RALYL: variants seen among roughly 807,000 people sequenced by gnomAD.
RALYL encodes the protein RALY RNA binding protein like, also known as RNA-binding Raly-like protein.
In RALYL, 29 loss-of-function variants were observed where a neutral mutation model predicts 35.1. The observed-to-expected ratio is 0.83, with a 90% CI of 0.61 to 1.13. RALYL has a LOEUF of 1.13. Ranked by LOEUF, RALYL falls within the 50% of genes most tolerant of loss-of-function variation. The pLI, the probability that RALYL is intolerant of heterozygous loss-of-function variation, is 0.00. For missense variants in RALYL, 359 were observed against 360.4 expected (o/e 1.00, Z 0.03); for synonymous variants, 120 against 127.6 (o/e 0.94, Z 0.40).
At chr8:84,731,916 G>A (rs1846251366) in intron 2 of RALYL, among the ~76,000 whole-genome samples, 1 of 152,086 alleles carries the variant, frequency 6.6e-6, no homozygotes, top group African/African-American at 2.4e-5. Context: ...GCTTGGATAA[G>A]CTGGGACTTT....
At chr8:84,680,929 C>A (rs1265264057) in intron 2 of RALYL, among the ~76,000 whole-genome samples, 1 of 151,916 alleles carries the variant, frequency 6.6e-6, no homozygotes, top group Non-Finnish European at 1.5e-5. Context: ...CTTGCCCATT[C>A]CTATGTCCTG....
At chr8:84,743,356 G>A (rs1476097210) in intron 2 of RALYL, among the ~76,000 whole-genome samples, 1 of 151,804 alleles carries the variant, frequency 6.6e-6, no homozygotes, top group Non-Finnish European at 1.5e-5. Context: ...TGGGATCACA[G>A]TGATTATCAG....
At chr8:84,455,828 T>G (rs1350228865) in intron 1 of RALYL, among the ~76,000 whole-genome samples, 2 of 152,008 alleles carry the variant, frequency 1.3e-5, no homozygotes, top group African/African-American at 4.8e-5. Flanking sequence ...TCTTGGGAAT[T>G]TATTTTTCCT....
At chr8:84,326,809 A>G (rs2130586344) in intron 1 of RALYL, among the ~76,000 whole-genome samples, 1 of 152,298 alleles carries the variant, frequency 6.6e-6, no homozygotes, top group Admixed American at 6.5e-5. Context: ...TAAGGGTAAT[A>G]CTCAGAATTT....
chr8:84,643,149 G>T (rs1372655800), intron 2 of RALYL, among the ~76,000 whole-genome samples: 1 of 151,882 alleles, frequency 6.6e-6, no homozygotes, highest in Non-Finnish European at 1.5e-5. Context: ...GTAAAGGGCT[G>T]GGTAGATTCC....
At chr8:84,803,099 A>G (rs1290248331) in intron 3 of RALYL, among the ~76,000 whole-genome samples, 1 of 152,208 alleles carries the variant, frequency 6.6e-6, no homozygotes, top group Non-Finnish European at 1.5e-5. Context: ...GGAACATAGG[A>G]AGCTGGAGAG....
rs75296003 is a variant in RALYL, at chr8:84,850,891, G to T, written c.413+864G>T. On this transcript the variant is annotated intron_variant, in intron 5 of 8. Transcript: ENST00000521268. ...GCCAGGGTCACTTCCCCTCCATAGCGTTATACGTTTCATCACATCACATCC... is the reference window on the plus strand; with the variant it reads ...GCCAGGGTCACTTCCCCTCCATAGCTTTATACGTTTCATCACATCACATCC... 3.0e-3 allele frequency among the ~76,000 whole-genome samples: 456 copies of T among 152,226 alleles called. 1 individual carries two copies. The highest frequency in any genetic ancestry group is 0.011 in the African/African-American group (444 of 41,540).
At chr8:84,583,860 A>G (rs1472397808) in intron 2 of RALYL, among the ~76,000 whole-genome samples, 2 of 152,320 alleles carry the variant, frequency 1.3e-5, no homozygotes, top group Admixed American at 6.5e-5. Flanking sequence ...GCTTAGGAAT[A>G]GTGAAATTAT....
chr8:84,881,842 G>T (rs1842214499), intron 7 of RALYL, among the ~76,000 whole-genome samples: 1 of 151,864 alleles, frequency 6.6e-6, no homozygotes, highest in African/African-American at 2.4e-5. Context: ...GAAGAGATTT[G>T]AAGTATTCCC....
intron 2 of RALYL, among the ~76,000 whole-genome samples, chr8:84,698,057 C>T (rs567198534): frequency 1.3e-4 from 20 of 152,182 alleles, no homozygotes; most frequent in Admixed American, 7.9e-4. Context: ...ATTAGTTTTA[C>T]AACACATGAG....
intron 2 of RALYL, among the ~76,000 whole-genome samples, chr8:84,532,148 T>A (rs2059317520): frequency 6.6e-6 from 1 of 152,068 alleles, no homozygotes; most frequent in African/African-American, 2.4e-5. Context: ...AATGACTTCA[T>A]ACAAAGCAAG....
intron 2 of RALYL, among the ~76,000 whole-genome samples, chr8:84,634,876 A>G (rs1824704044): frequency 6.6e-6 from 1 of 151,720 alleles, no homozygotes. Context: ...ATAAACTGCT[A>G]TGTTCCTTTA....
At chr8:84,201,900 C>A (rs1249553844) in intron 1 of RALYL, among the ~76,000 whole-genome samples, 1 of 152,000 alleles carries the variant, frequency 6.6e-6, no homozygotes, top group Non-Finnish European at 1.5e-5. Context: ...CTCTTTGTCC[C>A]TAAAAGATAA....
At chr8:84,401,462 C>T (rs1349377989) in intron 1 of RALYL, among the ~76,000 whole-genome samples, 1 of 151,520 alleles carries the variant, frequency 6.6e-6, no homozygotes, top group Non-Finnish European at 1.5e-5. Flanking sequence ...CACGGTGAAA[C>T]CCCGTCTCTA....
chr8:84,637,457 C>G (rs1297567980), intron 2 of RALYL, among the ~76,000 whole-genome samples: 1 of 151,962 alleles, frequency 6.6e-6, no homozygotes, highest in Admixed American at 6.6e-5. Flanking sequence ...TAACCAAACA[C>G]AAGTCCAACC....
intron 3 of RALYL, among the ~76,000 whole-genome samples, chr8:84,776,412 A>G (rs2634067): frequency 0.23 from 34,995 of 152,092 alleles, 4,260 homozygotes; most frequent in Non-Finnish European, 0.25. Flanking sequence ...TAAAAATGGA[A>G]AGCAATAGAG....
At chr8:84,517,790 C>T (rs998008000) in intron 1 of RALYL, among the ~76,000 whole-genome samples, 2 of 152,144 alleles carry the variant, frequency 1.3e-5, no homozygotes, top group African/African-American at 2.4e-5. Flanking sequence ...AATAACTAAG[C>T]TAATATTTTA....
intron 5 of RALYL, among the ~76,000 whole-genome samples, chr8:84,850,897 C>T (rs982715311): frequency 2.9e-4 from 44 of 152,170 alleles, no homozygotes; most frequent in African/African-American, 6.8e-4. Flanking sequence ...TAGCGTTATA[C>T]GTTTCATCAC....
intron 1 of RALYL, among the ~76,000 whole-genome samples, chr8:84,305,800 TG>T (rs757353714): frequency 5.9e-5 from 9 of 152,192 alleles, no homozygotes; most frequent in Non-Finnish European, 1.0e-4. Flanking sequence ...ACCAGTGGGA[TG>T]ATTTGGATTA....
Sources: allele counts gnomAD v4.1 joint callset (sites outside exome capture counted in the v4.1 genomes callset), GRCh38; gene constraint gnomAD v4.1.1; transcripts MANE v1.5; gene names NCBI Gene and HGNC (gene_info 2026-07-23, HGNC 2026-07-21).